Variants in CERK observed in about 807,000 individuals in gnomAD.
CERK encodes acylsphingosine kinase.
Under a neutral mutation model 63.4 loss-of-function variants are expected in CERK, and 39 were observed. The observed-to-expected ratio is 0.61, with a 90% CI of 0.48 to 0.80. The LOEUF is 0.80. Among genes scored for constraint, CERK ranks in the 30% least tolerant of loss-of-function variants. CERK has a pLI of 0.00. For synonymous variants in CERK, 302 were observed against 280.0 expected (o/e 1.08, Z -0.78); for missense variants, 670 against 714.1 (o/e 0.94, Z 0.70).
chr22:46,697,340 GC>G (rs2082761479), intron 8 of CERK, among the ~76,000 whole-genome samples: 1 of 151,492 alleles, frequency 6.6e-6, no homozygotes. Context: ...TCTGGCTGTC[GC>G]TCCAGCTGCA....
chr22:46,716,198 T>G (rs1447578837), intron 3 of CERK, among the ~76,000 whole-genome samples: 2 of 150,746 alleles, frequency 1.3e-5, no homozygotes, highest in East Asian at 1.9e-4. Flanking sequence ...TCCCTTTTTT[T>G]TTTTTTTTTA....
chr22:46,716,821 AG>A (rs2082868821), intron 3 of CERK, among the ~76,000 whole-genome samples: 1 of 152,082 alleles, frequency 6.6e-6, no homozygotes, highest in Non-Finnish European at 1.5e-5. Context: ...ACACGCCTGT[AG>A]TCCCAGCTAC....
At position 46,685,933 on chromosome 22, in the gene CERK, A is replaced by G. The variant is rs1015344725; in HGVS notation, c.*1201T>C. Reference sequence around the variant, plus strand: ...CCTTACAGATCAAAGTTTAAGCCGCATATTCTCATATTTCAAACAAAACTA... The same window carrying G: ...CCTTACAGATCAAAGTTTAAGCCGCGTATTCTCATATTTCAAACAAAACTA... On this transcript the variant is annotated 3_prime_UTR_variant, in exon 13 of 13. Transcript: ENST00000216264. The G allele has an allele frequency of 6.6e-6, 1 of 152,192 alleles. No homozygotes were observed. Among genetic ancestry groups the G allele is most frequent in the Non-Finnish European group, 1.5e-5 (1 of 68,038 alleles). 9.4% of individuals were successfully genotyped at this position (152,192 alleles called of 1,614,324 possible).
intron 3 of CERK, among the ~76,000 whole-genome samples, chr22:46,716,335 T>C (rs141348003): frequency 0.031 from 4,666 of 151,642 alleles, 243 homozygotes; most frequent in African/African-American, 0.11. Context: ...GGATGACAGG[T>C]GTGTGCCACC....
At chr22:46,737,300 A>AAAC (rs1555990811) in intron 1 of CERK, among the ~76,000 whole-genome samples, 157 of 150,064 alleles carry the variant, frequency 1.0e-3, no homozygotes, top group Non-Finnish European at 1.6e-3. Context: ...TCAAAAAAAA[A>AAAC]AAAAAACAAA....
At chr22:46,703,364 C>T (rs1050221000) in intron 6 of CERK, among the ~76,000 whole-genome samples, 6 of 152,074 alleles carry the variant, frequency 3.9e-5, no homozygotes, top group Non-Finnish European at 8.8e-5. Flanking sequence ...CCTCTCCTGC[C>T]CCCAGCCAGC....
intron 3 of CERK, among the ~76,000 whole-genome samples, chr22:46,716,537 A>G (rs9616104): frequency 0.17 from 25,064 of 151,568 alleles, 3,202 homozygotes; most frequent in African/African-American, 0.36. Flanking sequence ...GAAAAGGCAA[A>G]TTACAGAATT....
chr22:46,716,829 C>A (rs1430789493), intron 3 of CERK, among the ~76,000 whole-genome samples: 1 of 151,950 alleles, frequency 6.6e-6, no homozygotes, highest in East Asian at 1.9e-4. Context: ...GTAGTCCCAG[C>A]TACTCAGGAG....
intron 2 of CERK, among the ~76,000 whole-genome samples, chr22:46,720,660 A>C (rs778927829): frequency 6.6e-6 from 1 of 152,184 alleles, no homozygotes; most frequent in Non-Finnish European, 1.5e-5. Flanking sequence ...GCGCCACTGC[A>C]CTTCAGCTTG....
intron 3 of CERK, among the ~76,000 whole-genome samples, chr22:46,718,458 T>C (rs1177121180): frequency 1.3e-5 from 2 of 152,102 alleles, no homozygotes; most frequent in Admixed American, 1.3e-4. Context: ...CGGAACGACA[T>C]GCAGAGGAAC....
chr22:46,718,998 G>A (rs2082879309), intron 3 of CERK, among the ~76,000 whole-genome samples: 1 of 151,854 alleles, frequency 6.6e-6, no homozygotes, highest in South Asian at 2.1e-4. Flanking sequence ...AGCCCGGAAG[G>A]TAGAGGCTGC....
chr22:46,701,456 C>A (rs1282094484), intron 7 of CERK, among the ~76,000 whole-genome samples, 180 bp downstream of exon 7: 2 of 152,264 alleles, frequency 1.3e-5, no homozygotes, highest in African/African-American at 2.4e-5. Flanking sequence ...GACAACGTGG[C>A]CTCGGAGCTG....
At chr22:46,710,276 A>G (rs1372766365) in intron 5 of CERK, among the ~76,000 whole-genome samples, 5 of 152,062 alleles carry the variant, frequency 3.3e-5, no homozygotes, top group Non-Finnish European at 7.4e-5. Flanking sequence ...TCTACTAAAA[A>G]CACAAAAATT....
intron 2 of CERK, 124 bp from the exon 3 acceptor site, chr22:46,720,332 TC>T (rs2146580751): frequency 9.3e-7 from 1 of 1,075,082 alleles, no homozygotes; most frequent in South Asian, 1.6e-5. Context: ...GGGGTTCTCC[TC>T]CCTTCTAATT....
chr22:46,737,303 A>C (rs1280729014), intron 1 of CERK, among the ~76,000 whole-genome samples: 6 of 141,546 alleles, frequency 4.2e-5, no homozygotes, highest in Non-Finnish European at 6.2e-5. Flanking sequence ...AAAAAAAAAA[A>C]AAACAAAAAA....
At chr22:46,702,876 C>T (rs2082794411) in intron 6 of CERK, among the ~76,000 whole-genome samples, 1 of 152,236 alleles carries the variant, frequency 6.6e-6, no homozygotes, top group Admixed American at 6.5e-5. Flanking sequence ...GTGGGAGTAG[C>T]TGTGCTGGTT....
chr22:46,717,005 A>G (rs566045710), intron 3 of CERK, among the ~76,000 whole-genome samples: 2 of 152,286 alleles, frequency 1.3e-5, no homozygotes, highest in East Asian at 3.9e-4. Context: ...AAACGGAAAA[A>G]TGGACAAAAG....
At chr22:46,701,395 C>T (rs16995591) in intron 7 of CERK, among the ~76,000 whole-genome samples, 180 of 152,376 alleles carry the variant, frequency 1.2e-3, no homozygotes, top group African/African-American at 4.1e-3. Flanking sequence ...TGGTGGATTC[C>T]GTGGGAAAGA....
chr22:46,720,038 C>T (rs770170080), intron 3 of CERK, 48 bp downstream of exon 3: 19 of 1,595,262 alleles, frequency 1.2e-5, no homozygotes, highest in African/African-American at 2.7e-5. Flanking sequence ...ATCAGGCATG[C>T]GCATGCCACC....
Sources: allele counts gnomAD v4.1 joint callset (sites outside exome capture counted in the v4.1 genomes callset), GRCh38; gene constraint gnomAD v4.1.1; transcripts MANE v1.5; gene names NCBI Gene and HGNC (gene_info 2026-07-23, HGNC 2026-07-21).